The following PRKN variants were observed in gnomAD, a reference collection of about 807,000 sequenced individuals.
PRKN encodes the protein E3 ubiquitin-protein ligase parkin.
A neutral mutation model predicts 59.5 loss-of-function variants in PRKN; 56 were observed. The ratio of observed to expected loss-of-function variants is 0.94; its 90% confidence interval spans 0.76 to 1.18. PRKN has a LOEUF of 1.18. PRKN is among the 50% of genes most tolerant of loss of function. The pLI is 0.00. For synonymous variants in PRKN, 250 were observed against 222.1 expected, an observed-to-expected ratio of 1.13 and a Z score of -1.12; for missense variants, 657 against 596.4, an observed-to-expected ratio of 1.10 and a Z score of -1.06.
intron 6 of PRKN, among the ~76,000 whole-genome samples, chr6:161,905,980 G>A (rs1778130804): frequency 6.7e-6 from 1 of 150,100 alleles, no homozygotes; most frequent in African/African-American, 2.4e-5. Flanking sequence ...TCCTCCTTTG[G>A]GAATTCTTTT....
chr6:161,925,053 A>C (rs190512148), intron 6 of PRKN, among the ~76,000 whole-genome samples: 2 of 152,320 alleles, frequency 1.3e-5, no homozygotes, highest in Non-Finnish European at 1.5e-5. Context: ...TGGTGAATCC[A>C]GAGGAAGGAA....
At chr6:162,264,283 A>C (rs1462561227) in intron 2 of PRKN, among the ~76,000 whole-genome samples, 1 of 152,164 alleles carries the variant, frequency 6.6e-6, no homozygotes, top group Non-Finnish European at 1.5e-5. Context: ...TGTCTCAAAA[A>C]ATAAAATTAA....
intron 7 of PRKN, among the ~76,000 whole-genome samples, chr6:161,761,304 G>A (rs1306523358): frequency 2.0e-5 from 3 of 151,878 alleles, no homozygotes; most frequent in South Asian, 2.1e-4. Flanking sequence ...CACTGTGGCC[G>A]AGCTACGGTG....
chr6:161,913,825 T>C (rs1778455926), intron 6 of PRKN, among the ~76,000 whole-genome samples: 1 of 152,212 alleles, frequency 6.6e-6, no homozygotes, highest in Non-Finnish European at 1.5e-5. Context: ...TAGATCTATA[T>C]GAAGTCATGA....
In PRKN at chr6:162,555,981, C is replaced by CAAAAAA. The variant is rs772336975; in HGVS notation, c.8-112514_8-112509dup. Among the ~76,000 whole-genome samples the CAAAAAA allele has an allele frequency of 1.5e-4, 14 of 90,362 alleles. 2 individuals carry two copies. The highest frequency in any genetic ancestry group is 4.2e-4 in the East Asian group (1 of 2,382). The allele number at this position is 90,362 out of a possible 152,430, so 59.3% of individuals were successfully genotyped here. ...GGGCAACAAGAGCGAAACTCCATCT[C>CAAAAAA]AAAAAAAAAAAAAAAAAAGTGAGAA... On this transcript the variant is annotated intron_variant, in intron 1 of 11. Coordinates refer to ENST00000366898, the MANE Select transcript of PRKN (RefSeq NM_004562.3).
intron 4 of PRKN, among the ~76,000 whole-genome samples, chr6:162,065,014 A>C (rs1427294238): frequency 6.6e-6 from 1 of 152,224 alleles, no homozygotes; most frequent in African/African-American, 2.4e-5. Flanking sequence ...CTGGCAGAAT[A>C]TGGTTGAATC....
chr6:161,855,100 A>G (rs201807886), intron 6 of PRKN, among the ~76,000 whole-genome samples: 9 of 122,386 alleles, frequency 7.4e-5, no homozygotes, highest in African/African-American at 2.1e-4. Flanking sequence ...AAAAAAAAAG[A>G]AAAAAAAAAA....
chr6:161,826,978 G>A (rs1213458519), intron 6 of PRKN, among the ~76,000 whole-genome samples: 1 of 152,196 alleles, frequency 6.6e-6, no homozygotes, highest in Non-Finnish European at 1.5e-5. Flanking sequence ...ACGTCCAAGT[G>A]TACACCTCAT....
At chr6:162,592,947 A>G (rs1781367196) in intron 1 of PRKN, among the ~76,000 whole-genome samples, 1 of 152,160 alleles carries the variant, frequency 6.6e-6, no homozygotes, top group Admixed American at 6.6e-5. Context: ...CAAAGCCCAC[A>G]GGACATAACC....
intron 9 of PRKN, among the ~76,000 whole-genome samples, chr6:161,540,625 G>C (rs1779583052): frequency 6.6e-6 from 1 of 152,142 alleles, no homozygotes; most frequent in Non-Finnish European, 1.5e-5. Context: ...ATGCAACTCA[G>C]CACTACGGAT....
Position 162,561,760 on chromosome 6 carries a change from G to A in PRKN, c.8-118287C>T, listed in dbSNP as rs1017435167. Among the ~76,000 whole-genome samples the A allele has an allele frequency of 7.9e-5, 12 of 152,278 alleles. No homozygotes were observed. The South Asian group carries it at 2.3e-3, about 29-fold the overall frequency. On this transcript the variant is annotated intron_variant, in intron 1 of 11. Transcript: ENST00000366898. ...AGCTGATGCCTGCCCATGCCAGGGGGAATGCAGATCCCTGTGGTCGGAACT... is the reference window on the plus strand; with the variant it reads ...AGCTGATGCCTGCCCATGCCAGGGGAAATGCAGATCCCTGTGGTCGGAACT...
intron 6 of PRKN, among the ~76,000 whole-genome samples, chr6:161,842,796 C>T (rs1793043447): frequency 6.6e-6 from 1 of 152,158 alleles, no homozygotes; most frequent in African/African-American, 2.4e-5. Flanking sequence ...GATCTGCCCT[C>T]CTCGGCCTCC....
intron 1 of PRKN, among the ~76,000 whole-genome samples, chr6:162,473,163 C>T (rs958262140): frequency 2.6e-5 from 4 of 152,088 alleles, no homozygotes; most frequent in African/African-American, 9.7e-5. Context: ...GTTATCTACT[C>T]TGAAGTCATT....
intron 7 of PRKN, among the ~76,000 whole-genome samples, chr6:161,690,499 G>A (rs1336420747): frequency 1.3e-5 from 2 of 152,206 alleles, no homozygotes; most frequent in Non-Finnish European, 2.9e-5. Flanking sequence ...TTCCTGTGAT[G>A]GTTAATTTTA....
chr6:161,494,691 T>C (rs1356506684), intron 9 of PRKN, among the ~76,000 whole-genome samples: 3 of 152,244 alleles, frequency 2.0e-5, no homozygotes, highest in African/African-American at 7.2e-5. Flanking sequence ...TTAATCAGTA[T>C]GAAAACGGTC....
intron 7 of PRKN, among the ~76,000 whole-genome samples, chr6:161,759,508 CTAGTAT>C (rs151204450): frequency 0.86 from 130,153 of 151,730 alleles, 56,142 homozygotes; most frequent in East Asian, 0.97. Flanking sequence ...TTCAGTATTT[CTAGTAT>C]TTCTAAGATG....
chr6:162,657,680 A>C (rs1778696877), intron 1 of PRKN, among the ~76,000 whole-genome samples: 1 of 152,130 alleles, frequency 6.6e-6, no homozygotes, highest in Non-Finnish European at 1.5e-5. Context: ...ACCTGTAATA[A>C]ATCTTTCTCA....
chr6:162,356,747 T>TAAAAAAAAA (rs748212596), intron 2 of PRKN, among the ~76,000 whole-genome samples: 73 of 72,906 alleles, frequency 1.0e-3, no homozygotes, highest in East Asian at 1.5e-3. Context: ...TGATTATTAG[T>TAAAAAAAAA]AAAAAAAAAA....
chr6:161,524,996 T>G lies in PRKN; in HGVS notation c.1083+23858A>C, dbSNP rs1778967179. 2.0e-5 allele frequency among the ~76,000 whole-genome samples: 3 copies of G among 152,202 alleles called. No homozygotes were observed. The South Asian group carries it at 6.2e-4, about 31-fold the overall frequency. On this transcript the variant is annotated intron_variant, in intron 9 of 11. Transcript: ENST00000366898. ...GCCTGGTTTTAAAATTTCTTACATC[T>G]TTTACACATTTCAAAACATCAAATA...
Sources: allele counts gnomAD v4.1 joint callset (sites outside exome capture counted in the v4.1 genomes callset), GRCh38; gene constraint gnomAD v4.1.1; transcripts MANE v1.5; gene names NCBI Gene and HGNC (gene_info 2026-07-23, HGNC 2026-07-21).